Variants in ARHGAP10 observed in about 807,000 individuals in gnomAD.
ARHGAP10 encodes rho GTPase-activating protein 10.
Under a neutral mutation model 108.6 loss-of-function variants are expected in ARHGAP10, and 87 were observed. That is an observed-to-expected ratio of 0.80 (90% CI 0.67 to 0.96). The LOEUF (loss-of-function observed/expected upper bound fraction) is 0.96. Among genes scored for constraint, ARHGAP10 ranks in the 40% least tolerant of loss-of-function variants. The pLI is 0.00. For synonymous variants in ARHGAP10, 347 were observed against 341.1 expected (o/e 1.02, Z -0.19); for missense variants, 939 against 954.5 (o/e 0.98, Z 0.21).
In ARHGAP10 at chr4:147,732,339, T is replaced by A. The variant is rs776405340; in HGVS notation, c.38T>A (p.Leu13His). The A allele has an allele frequency of 6.2e-7, 1 of 1,612,308 alleles. No homozygotes were observed. Among genetic ancestry groups the A allele is most frequent in the Non-Finnish European group, 8.5e-7 (1 of 1,179,064 alleles). ...CCCCTGGAGTTCAGCGACTGCTACC[T>A]CGACAGCCCGTGGTTCCGGGAGAGG... Reference protein sequence around the residue: ...LQPLEFSDCYLDSPWFRERIR... With the variant: ...LQPLEFSDCYHDSPWFRERIR... The change falls in exon 1 of 23, where the codon CTC becomes CAC. Residue 13 changes from leucine to histidine, a missense_variant. Leu to His is a moderately conservative substitution (Grantham distance 99). Coordinates refer to ENST00000336498, the MANE Select transcript of ARHGAP10 (RefSeq NM_024605.4).
chr4:147,850,373 T>G (rs1274182422), intron 4 of ARHGAP10, among the ~76,000 whole-genome samples: 1 of 152,230 alleles, frequency 6.6e-6, no homozygotes, highest in Admixed American at 6.5e-5. Flanking sequence ...TTTCACTGTT[T>G]GCAATAAATC....
chr4:148,066,427 A>G (rs1464757068), intron 22 of ARHGAP10, among the ~76,000 whole-genome samples: 2 of 152,240 alleles, frequency 1.3e-5, no homozygotes, highest in African/African-American at 2.4e-5. Flanking sequence ...CCTAAAGCCA[A>G]TGCAGATCTG....
At chr4:147,837,643 G>GTTTGTTTTTTTTTTT (rs1733223315) in intron 3 of ARHGAP10, among the ~76,000 whole-genome samples, 1 of 70,238 alleles carries the variant, frequency 1.4e-5, no homozygotes, top group African/African-American at 3.9e-5. Context: ...TCTGGTCACT[G>GTTTGTTTTTTTTTTT]TTTTTTTTTT....
chr4:147,986,011 G>GT (rs1160253019), intron 18 of ARHGAP10, among the ~76,000 whole-genome samples: 1 of 152,044 alleles, frequency 6.6e-6, no homozygotes, highest in Non-Finnish European at 1.5e-5. Context: ...GTGGATTTCC[G>GT]TTTTCCTGTT....
rs1178256407 is a variant in ARHGAP10 at position 147,798,724 on chromosome 4, ACTCTCTCTCTCTCTCTCTCTCTCT to A, written c.155-23968_155-23945del. Among the ~76,000 whole-genome samples the A allele has an allele frequency of 7.5e-3, 641 of 85,642 alleles. 7 individuals carry two copies. The highest frequency in any genetic ancestry group is 0.014 in the South Asian group (31 of 2,266). The allele number at this position is 85,642 out of a possible 152,430, so 56.2% of individuals were successfully genotyped here. ...TTACGTGAGGTCAGGAGTTTGAGAC[ACTCTCTCTCTCTCTCTCTCTCTCT>A]CTCTCTCTCTCTCTCTCTCTCTCTC... On this transcript the variant is annotated intron_variant, in intron 1 of 22. Transcript: ENST00000336498.
At chr4:147,835,095 C>T (rs1733114056) in intron 3 of ARHGAP10, among the ~76,000 whole-genome samples, 1 of 152,112 alleles carries the variant, frequency 6.6e-6, no homozygotes, top group Admixed American at 6.5e-5. Context: ...TAGGAGAATC[C>T]CACTTCATTT....
At chr4:147,841,942 G>A (rs780241627) in intron 3 of ARHGAP10, among the ~76,000 whole-genome samples, 2 of 151,956 alleles carry the variant, frequency 1.3e-5, no homozygotes, top group Non-Finnish European at 2.9e-5. Context: ...TTCCTCCCAC[G>A]TCACCCCCAA....
intron 4 of ARHGAP10, among the ~76,000 whole-genome samples, chr4:147,852,761 C>T (rs1188463747): frequency 7.2e-6 from 1 of 139,808 alleles, no homozygotes; most frequent in East Asian, 2.1e-4. Flanking sequence ...CCTTGTCACC[C>T]AGGCTGGAGT....
At chr4:147,903,515 A>C (rs995585482) in intron 10 of ARHGAP10, among the ~76,000 whole-genome samples, 1 of 152,142 alleles carries the variant, frequency 6.6e-6, no homozygotes, top group East Asian at 1.9e-4. Flanking sequence ...TGGATTGTAC[A>C]TTTTATGGGT....
intron 4 of ARHGAP10, among the ~76,000 whole-genome samples, chr4:147,854,368 G>T (rs1734004094): frequency 6.6e-6 from 1 of 152,158 alleles, no homozygotes; most frequent in South Asian, 2.1e-4. Flanking sequence ...AGTAATGGCT[G>T]CCTTCTTCTC....
intron 18 of ARHGAP10, among the ~76,000 whole-genome samples, chr4:147,987,532 A>G (rs771462724): frequency 6.6e-6 from 1 of 152,352 alleles, no homozygotes; most frequent in African/African-American, 2.4e-5. Flanking sequence ...CACTGTGGAC[A>G]TGAACCCCTC....
chr4:147,881,093 G>A (rs187011303), intron 9 of ARHGAP10, among the ~76,000 whole-genome samples: 335 of 151,854 alleles, frequency 2.2e-3, no homozygotes, highest in Non-Finnish European at 3.2e-3. Flanking sequence ...GGCCAACATG[G>A]TGAAATCCTG....
At chr4:147,977,440 C>A (rs1211724249) in intron 18 of ARHGAP10, among the ~76,000 whole-genome samples, 1 of 152,100 alleles carries the variant, frequency 6.6e-6, no homozygotes, top group Non-Finnish European at 1.5e-5. Context: ...GCTTTTAGAG[C>A]TGTCTTTTTT....
At chr4:147,745,653 T>G (rs1393337973) in intron 1 of ARHGAP10, among the ~76,000 whole-genome samples, 1 of 151,690 alleles carries the variant, frequency 6.6e-6, no homozygotes, top group Non-Finnish European at 1.5e-5. Flanking sequence ...AACCACGCCC[T>G]GCTAATTTTT....
At chr4:147,769,649 A>G (rs1729994166) in intron 1 of ARHGAP10, among the ~76,000 whole-genome samples, 1 of 152,164 alleles carries the variant, frequency 6.6e-6, no homozygotes, top group South Asian at 2.1e-4. Context: ...CATTCTACTC[A>G]TTGTAACTTT....
intron 19 of ARHGAP10, among the ~76,000 whole-genome samples, chr4:148,028,295 T>G (rs1231317540): frequency 6.6e-6 from 1 of 152,122 alleles, no homozygotes; most frequent in Non-Finnish European, 1.5e-5. Context: ...CAGTTGTGAA[T>G]GATGGGCGGA....
intron 1 of ARHGAP10, among the ~76,000 whole-genome samples, chr4:147,820,399 C>T (rs1362100676): frequency 6.6e-6 from 1 of 152,026 alleles, no homozygotes; most frequent in Non-Finnish European, 1.5e-5. Flanking sequence ...GATTCTCCTG[C>T]CTCAGCCTCC....
rs535947883 is a variant in ARHGAP10 at position 147,919,724 on chromosome 4, G to A, written c.1228+6585G>A. Among the ~76,000 whole-genome samples, 71 of 152,092 alleles carry A rather than the reference G, an allele frequency of 4.7e-4. 1 individual carries two copies. The highest frequency in any genetic ancestry group is 6.8e-3 in the Middle Eastern group (2 of 294). On this transcript the variant is annotated intron_variant, in intron 13 of 22. Transcript: ENST00000336498. ...CTCCTGAGTAGCTGGGATTACAGGC[G>A]TGTGCCACAATACCCAGCTAATTTT...
chr4:147,940,018 A>C (rs1297156879), intron 14 of ARHGAP10, 119 bp downstream of exon 14: 2 of 1,000,396 alleles, frequency 2.0e-6, no homozygotes, highest in African/African-American at 1.6e-5. Context: ...TACTTTCTAC[A>C]GGAGTTTTCT....
Sources: gnomAD v4.1 joint callset for allele counts (sites outside exome capture counted in the v4.1 genomes callset) on GRCh38, gnomAD v4.1.1 for gene constraint, MANE v1.5 for transcripts, NCBI Gene and HGNC (gene_info 2026-07-23, HGNC 2026-07-21) for gene names.